PRKG2: variants seen among roughly 807,000 people sequenced by gnomAD.
PRKG2 encodes the protein protein kinase cGMP-dependent 2.
PRKG2 carries 33 observed loss-of-function variants against 97.2 expected under a neutral mutation model. The observed-to-expected ratio is 0.34, with a 90% CI of 0.26 to 0.45. PRKG2 has a LOEUF of 0.45. Ranked by LOEUF, PRKG2 falls within the 20% of genes least tolerant of loss-of-function variation. The pLI is 1.00. For synonymous variants in PRKG2, 330 were observed against 321.8 expected, an observed-to-expected ratio of 1.03 and a Z score of -0.27; for missense variants, 638 against 900.0, an observed-to-expected ratio of 0.71 and a Z score of 3.73.
intron 6 of PRKG2, among the ~76,000 whole-genome samples, chr4:81,158,865 T>C (rs961333611): frequency 1.4e-4 from 22 of 151,810 alleles, no homozygotes; most frequent in Non-Finnish European, 2.6e-4. Context: ...CCCTATTTAC[T>C]AAATGGTGCT....
In PRKG2 at chr4:81,146,974, T is replaced by C. The variant is rs542024687; in HGVS notation, c.1154+1910A>G. ...CTGAACTGTCTCAGTAAATCCAAGA[T>C]GTAAGTAAACCTAGTTATATCTGAT... On this transcript the variant is annotated intron_variant, in intron 9 of 18. Transcript: ENST00000264399. Among the ~76,000 whole-genome samples the C allele has an allele frequency of 4.6e-5, 7 of 152,286 alleles. No individual in the cohort carries two copies. The East Asian group carries it at 1.2e-3, about 25-fold the overall frequency.
At chr4:81,110,178 T>C (rs1169366771) in intron 15 of PRKG2, among the ~76,000 whole-genome samples, 19 of 152,214 alleles carry the variant, frequency 1.2e-4, no homozygotes, top group Admixed American at 1.1e-3. Flanking sequence ...GCCTTCATAC[T>C]TAATTTGTTA....
At chr4:81,112,441 TA>T (rs1467112390) in intron 14 of PRKG2, among the ~76,000 whole-genome samples, 1 of 145,660 alleles carries the variant, frequency 6.9e-6, no homozygotes, top group Non-Finnish European at 1.5e-5. Context: ...AATATGAAAA[TA>T]TTGTTTTGTT....
At chr4:81,184,913 G>A (rs916376899) in intron 2 of PRKG2, among the ~76,000 whole-genome samples, 1 of 152,104 alleles carries the variant, frequency 6.6e-6, no homozygotes, top group Non-Finnish European at 1.5e-5. Flanking sequence ...TCAACTTAAT[G>A]AAATAAAGAG....
At chr4:81,178,811 T>C (rs529976702) in intron 2 of PRKG2, among the ~76,000 whole-genome samples, 2 of 152,028 alleles carry the variant, frequency 1.3e-5, no homozygotes, top group African/African-American at 4.8e-5. Flanking sequence ...AAACAATATA[T>C]GAAGGAATCA....
intron 18 of PRKG2, 120 bp from the exon 19 acceptor site, chr4:81,089,923 A>T (rs1290688398): frequency 1.3e-6 from 1 of 769,434 alleles, no homozygotes; most frequent in East Asian, 2.7e-5. Flanking sequence ...TGGAAGTTAC[A>T]TACAAGAAAA....
intron 2 of PRKG2, among the ~76,000 whole-genome samples, chr4:81,190,557 CA>C (rs1752396962): frequency 6.6e-6 from 1 of 152,046 alleles, no homozygotes; most frequent in Admixed American, 6.6e-5. Flanking sequence ...ACACCAAAAG[CA>C]ATGGTAACAA....
chr4:81,173,302 A>G (rs972289966), intron 3 of PRKG2, among the ~76,000 whole-genome samples: 3 of 152,164 alleles, frequency 2.0e-5, no homozygotes, highest in Admixed American at 6.6e-5. Flanking sequence ...CATGTGTGCC[A>G]TAACTCTGAT....
intron 1 of PRKG2, among the ~76,000 whole-genome samples, chr4:81,212,510 C>G (rs1046665937): frequency 6.6e-6 from 1 of 152,060 alleles, no homozygotes; most frequent in East Asian, 1.9e-4. Flanking sequence ...ACTGTGGCAA[C>G]TGGGTAAAAG....
intron 6 of PRKG2, among the ~76,000 whole-genome samples, chr4:81,154,507 A>G (rs28792162): frequency 0.079 from 10,342 of 130,440 alleles, 1,691 homozygotes; most frequent in African/African-American, 0.37. Context: ...CAGCAGGGGC[A>G]CACTGACACC....
intron 12 of PRKG2, among the ~76,000 whole-genome samples, chr4:81,139,251 A>C (rs1456788710): frequency 1.3e-5 from 2 of 152,160 alleles, no homozygotes; most frequent in Non-Finnish European, 2.9e-5. Context: ...TTGGCTTCCC[A>C]CATGTGCCCA....
chr4:81,100,019 C>T (rs1343778330), intron 17 of PRKG2, among the ~76,000 whole-genome samples: 2 of 152,032 alleles, frequency 1.3e-5, no homozygotes, highest in Admixed American at 6.6e-5. Flanking sequence ...ATGTGAAGAA[C>T]CTCTTCAAGG....
intron 2 of PRKG2, among the ~76,000 whole-genome samples, chr4:81,183,852 C>T (rs888894960): frequency 6.6e-6 from 1 of 152,132 alleles, no homozygotes; most frequent in Non-Finnish European, 1.5e-5. Context: ...GCGGTTTTCC[C>T]CTCATAGTGA....
chr4:81,193,303 C>T (rs1752703879), intron 2 of PRKG2: 1 of 152,218 alleles, frequency 6.6e-6, no homozygotes, highest in African/African-American at 2.4e-5. Flanking sequence ...TTGATTCCAA[C>T]TTCTGCCACT....
rs748041886 is a variant in PRKG2, at chr4:81,144,312, G to C, written c.1173C>G (p.Val391=). Residue 391 remains valine (V), a synonymous_variant, in exon 10 of 19, where the codon GTC becomes GTG. Coordinates refer to ENST00000264399, the MANE Select transcript of PRKG2 (RefSeq NM_006259.3). ...VIDRETFNQT[V]GTFEELQKYL... is the part of the protein sequence containing the mutation. ...ATTTTTGCAGCTCTTCAAATGTACC[G>C]ACAGTTTGGTTGAATGTTCTAAATA... The C allele has an allele frequency of 1.6e-5, 25 of 1,610,094 alleles. No homozygotes were observed. Among genetic ancestry groups the C allele is most frequent in the Non-Finnish European group, 2.0e-5 (24 of 1,176,844 alleles).
chr4:81,205,050 TG>T lies in PRKG2; in HGVS notation c.-4del. 6.3e-7 allele frequency: 1 copy of T among 1,595,364 alleles called. No homozygotes were observed. The highest frequency in any genetic ancestry group is 8.5e-7 in the Non-Finnish European group (1 of 1,170,414). ...GGTTTCACTGAACCATTTCCCATTTTGCTCAGGGACCTGAGAAGGCACAGAA... is the reference window on the plus strand; with the variant it reads ...GGTTTCACTGAACCATTTCCCATTTTCTCAGGGACCTGAGAAGGCACAGAA... On this transcript the variant is annotated 5_prime_UTR_variant, in exon 2 of 19. Coordinates refer to ENST00000264399, the MANE Select transcript of PRKG2 (RefSeq NM_006259.3).
At chr4:81,137,557 T>C in intron 12 of PRKG2, 75 bp from the exon 13 acceptor site, 1 of 1,141,858 alleles carries the variant, frequency 8.8e-7, no homozygotes, top group African/African-American at 1.5e-5. Flanking sequence ...CTTAGAACTA[T>C]CATCATAACA....
chr4:81,120,071 C>T (rs1292854966), intron 14 of PRKG2, among the ~76,000 whole-genome samples: 5 of 152,148 alleles, frequency 3.3e-5, no homozygotes, highest in Non-Finnish European at 7.4e-5. Context: ...TGCAACCTAA[C>T]CTAGTAGGTA....
intron 3 of PRKG2, among the ~76,000 whole-genome samples, chr4:81,173,504 G>T (rs540305865): frequency 6.6e-6 from 1 of 152,212 alleles, no homozygotes; most frequent in South Asian, 2.1e-4. Context: ...TAAAGCAGAA[G>T]TTAAAATGGC....
Sources: gnomAD v4.1 joint callset for allele counts (sites outside exome capture counted in the v4.1 genomes callset) on GRCh38, gnomAD v4.1.1 for gene constraint, MANE v1.5 for transcripts, NCBI Gene and HGNC (gene_info 2026-07-23, HGNC 2026-07-21) for gene names.